ZNF883: variants seen among roughly 807,000 people sequenced by gnomAD.
ZNF883 encodes the protein zinc finger protein 883.
At chr9:113,010,584 G>A (rs766960426) in intron 2 of ZNF883, among the ~76,000 whole-genome samples, 3 of 152,152 alleles carry the variant, frequency 2.0e-5, no homozygotes, top group African/African-American at 2.4e-5. Context: ...TGAAAAGTAC[G>A]TGAGGTGATG....
upstream of ZNF883, chr9:112,999,101 A>G (rs1828396168): frequency 1.3e-5 from 2 of 152,248 alleles, no homozygotes; most frequent in South Asian, 4.1e-4. Flanking sequence ...CTTCAGATAT[A>G]GTATCCAGGA....
exon 1 of ZNF883, chr9:112,997,872 A>G (rs1251690774): frequency 1.2e-6 from 2 of 1,613,622 alleles, no homozygotes; most frequent in East Asian, 2.2e-5. Flanking sequence ...GCTTTCCCAC[A>G]TTCATTACAA....
chr9:112,997,981 C>T (rs1828381846), exon 1 of ZNF883: 2 of 1,613,082 alleles, frequency 1.2e-6, no homozygotes, highest in Non-Finnish European at 1.7e-6. Context: ...AAGGTTTCTC[C>T]CCAGTATGGA....
downstream of ZNF883, among the ~76,000 whole-genome samples, chr9:112,996,921 C>G (rs1336512917): frequency 6.7e-6 from 1 of 149,680 alleles, no homozygotes; most frequent in African/African-American, 2.5e-5. Context: ...TGGATGAACA[C>G]TTCCATTATA....
At chr9:112,999,863 T>C (rs1828406009), upstream of ZNF883, 1 of 152,178 alleles carries the variant, frequency 6.6e-6, no homozygotes, top group South Asian at 2.1e-4. Flanking sequence ...TAGAGCTTAA[T>C]CTCCATCCCC....
At chr9:112,988,179 C>T (rs1173459594) in intron 1 of ZNF883, among the ~76,000 whole-genome samples, 1 of 152,076 alleles carries the variant, frequency 6.6e-6, no homozygotes, top group East Asian at 1.9e-4. Flanking sequence ...GATACATGTG[C>T]AGGACATGCA....
intron 2 of ZNF883, among the ~76,000 whole-genome samples, chr9:113,004,796 C>A (rs1367547288): frequency 1.3e-5 from 2 of 149,862 alleles, no homozygotes; most frequent in South Asian, 2.1e-4. Flanking sequence ...GGGACTTGCC[C>A]ATACTAGATA....
downstream of ZNF883, among the ~76,000 whole-genome samples, chr9:112,994,276 C>T (rs1410297835): frequency 4.0e-5 from 6 of 149,492 alleles, no homozygotes; most frequent in African/African-American, 4.9e-5. Context: ...CCAGGTGGGC[C>T]GTCACACCAC....
chr9:113,012,142 A>C lies in ZNF883; in HGVS notation n.78+8T>G, dbSNP rs1335680127. The C allele has an allele frequency of 6.6e-6, 1 of 152,076 alleles. No individual in the cohort carries two copies. 9.4% of individuals were successfully genotyped at this position (152,076 alleles called of 1,614,324 possible). ...ACGAGTGCAAGGGTCGGGAAAGAAA[A>C]AGCTCACCTGCTCCACCGAAAAATA... is the stretch of plus-strand genomic sequence containing the variant. On this transcript the variant is annotated splice_region_variant and intron_variant and non_coding_transcript_variant, in intron 1 of 4. Coordinates refer to the ZNF883 transcript ENST00000638622.
chr9:113,004,280 G>C (rs1178552261), intron 2 of ZNF883, among the ~76,000 whole-genome samples: 2 of 152,356 alleles, frequency 1.3e-5, no homozygotes, highest in East Asian at 3.8e-4. Context: ...TCTAGCCTCA[G>C]AACTGTGAGA....
chr9:112,991,946 C>T (rs544613514), intron 1 of ZNF883, among the ~76,000 whole-genome samples: 1 of 152,150 alleles, frequency 6.6e-6, no homozygotes, highest in Admixed American at 6.5e-5. Context: ...AATTTTCTGC[C>T]ATCCCTTTAT....
At chr9:112,997,747 A>G (rs750928060) in exon 1 of ZNF883, 2 of 1,613,750 alleles carry the variant, frequency 1.2e-6, no homozygotes, top group African/African-American at 2.7e-5. Flanking sequence ...GAATTCCCTG[A>G]TGTTCAATTA....
downstream of ZNF883, among the ~76,000 whole-genome samples, chr9:112,994,307 GTGCTTTTCCTCACTCTCCA>G (rs1249316663): frequency 6.2e-4 from 94 of 151,822 alleles, no homozygotes; most frequent in Middle Eastern, 3.4e-3. Flanking sequence ...CTCACTCTCC[GTGCTTTTCCTCACTCTCCA>G]TGCTTTTCCT....
downstream of ZNF883, among the ~76,000 whole-genome samples, chr9:112,996,555 G>A (rs1828355870): frequency 6.6e-6 from 1 of 151,424 alleles, no homozygotes. Context: ...ACTTTGGGAG[G>A]CCGAGGCGGG....
At chr9:113,003,901 C>CT (rs1828450517) in intron 2 of ZNF883, among the ~76,000 whole-genome samples, 1 of 152,018 alleles carries the variant, frequency 6.6e-6, no homozygotes, top group African/African-American at 2.4e-5. Flanking sequence ...TTAATTCTCC[C>CT]CTGTTGTGGG....
At chr9:113,006,732 C>G (rs1348044554) in intron 2 of ZNF883, among the ~76,000 whole-genome samples, 1 of 152,144 alleles carries the variant, frequency 6.6e-6, no homozygotes, top group African/African-American at 2.4e-5. Flanking sequence ...GGGTACCTAT[C>G]TAATACCCAA....
chr9:112,996,790 C>CA (rs61714600), downstream of ZNF883, among the ~76,000 whole-genome samples: 1,142 of 52,026 alleles, frequency 0.022, 153 homozygotes, highest in Non-Finnish European at 0.031. Flanking sequence ...GACTCCGTCT[C>CA]AAAAAAAAAA....
At chr9:112,991,727 C>T (rs183735834) in intron 1 of ZNF883, among the ~76,000 whole-genome samples, 152 of 152,182 alleles carry the variant, frequency 1.0e-3, no homozygotes, top group African/African-American at 3.1e-3. Context: ...GTCTCTTTGT[C>T]GGTCTCTAAG....
intron 2 of ZNF883, among the ~76,000 whole-genome samples, chr9:113,004,145 G>C (rs866722043): frequency 6.6e-6 from 1 of 152,194 alleles, no homozygotes. Context: ...ACAGAGTTAC[G>C]CAGCTGAAAG....
Sources: allele counts gnomAD v4.1 joint callset (sites outside exome capture counted in the v4.1 genomes callset), GRCh38; gene constraint gnomAD v4.1.1; transcripts MANE v1.5; gene names NCBI Gene and HGNC (gene_info 2026-07-23, HGNC 2026-07-21).